ASTN2: variants seen among roughly 807,000 people sequenced by gnomAD.
The protein encoded by ASTN2 is astrotactin-2.
Under a neutral mutation model 139.8 loss-of-function variants are expected in ASTN2, and 54 were observed. The ratio of observed to expected loss-of-function variants is 0.39; its 90% CI spans 0.31 to 0.48. ASTN2 has a LOEUF of 0.48. Among genes scored for constraint, ASTN2 ranks in the 20% least tolerant of loss-of-function variants. ASTN2 has a pLI of 0.95. For missense variants in ASTN2, 1,565 were observed against 1,725.1 expected (o/e 0.91, Z 1.64); for synonymous variants, 756 against 719.5 (o/e 1.05, Z -0.81).
intron 19 of ASTN2, chr9:116,568,588 C>A (rs966198273): frequency 1.3e-5 from 2 of 152,328 alleles, no homozygotes; most frequent in African/African-American, 2.4e-5. Flanking sequence ...CACTCTAGCC[C>A]CCAGCCTTAC....
At chr9:116,983,398 C>T (rs1430965593) in intron 7 of ASTN2, among the ~76,000 whole-genome samples, 3 of 152,192 alleles carry the variant, frequency 2.0e-5, no homozygotes, top group African/African-American at 7.2e-5. Context: ...GAGGAAGGTA[C>T]TGATGCCCTC....
At chr9:116,855,065 A>G (rs1832705180) in intron 11 of ASTN2, among the ~76,000 whole-genome samples, 1 of 152,128 alleles carries the variant, frequency 6.6e-6, no homozygotes, top group Non-Finnish European at 1.5e-5. Context: ...CTTCCACACA[A>G]TAAAACCAGC....
At chr9:117,233,527 T>A (rs1225890425) in intron 2 of ASTN2, among the ~76,000 whole-genome samples, 1 of 152,116 alleles carries the variant, frequency 6.6e-6, no homozygotes, top group Non-Finnish European at 1.5e-5. Context: ...CATCCAAACA[T>A]ACACAACCTA....
intron 19 of ASTN2, among the ~76,000 whole-genome samples, chr9:116,492,407 A>G (rs1047147173): frequency 3.9e-5 from 6 of 152,174 alleles, no homozygotes; most frequent in South Asian, 2.1e-4. Context: ...TGTTTTCAAC[A>G]TAACAGAGTA....
chr9:116,703,824 T>G (rs918749792), intron 16 of ASTN2, among the ~76,000 whole-genome samples: 2 of 151,992 alleles, frequency 1.3e-5, no homozygotes, highest in African/African-American at 4.8e-5. Context: ...TGCACTTGAC[T>G]AGGATGCTGA....
chr9:116,969,672 G>A (rs1836127505), intron 10 of ASTN2, among the ~76,000 whole-genome samples: 1 of 152,138 alleles, frequency 6.6e-6, no homozygotes, highest in African/African-American at 2.4e-5. Flanking sequence ...GCACTCTGGA[G>A]TTTTCAAGCC....
At chr9:116,766,547 A>G (rs1829814121) in intron 13 of ASTN2, among the ~76,000 whole-genome samples, 2 of 151,878 alleles carry the variant, frequency 1.3e-5, no homozygotes, top group Non-Finnish European at 1.5e-5. Context: ...ACACAAACAC[A>G]TGCATTCATA....
chr9:117,045,979 T>TACATAC (rs1564399779), intron 5 of ASTN2, among the ~76,000 whole-genome samples: 1 of 124,534 alleles, frequency 8.0e-6, no homozygotes, highest in Non-Finnish European at 1.8e-5. Context: ...TATGTATGTA[T>TACATAC]GTACGTACGT....
chr9:116,991,646 T>C (rs765017293), intron 7 of ASTN2, among the ~76,000 whole-genome samples: 1 of 150,404 alleles, frequency 6.6e-6, no homozygotes, highest in Admixed American at 6.6e-5. Flanking sequence ...TTGCTCAAAA[T>C]TATACCAATA....
At chr9:116,600,398 AT>A in intron 19 of ASTN2, among the ~76,000 whole-genome samples, 1 of 152,046 alleles carries the variant, frequency 6.6e-6, no homozygotes, top group African/African-American at 2.4e-5. Context: ...ATTCTTCCTG[AT>A]CCCCTGATCC....
chr9:116,927,325 A>G (rs530512489), intron 10 of ASTN2, among the ~76,000 whole-genome samples: 1 of 152,294 alleles, frequency 6.6e-6, no homozygotes, highest in Admixed American at 6.5e-5. Flanking sequence ...TTAACAGGTG[A>G]GACAGTCACA....
At chr9:116,523,123 A>C (rs117311773) in intron 19 of ASTN2, among the ~76,000 whole-genome samples, 325 of 152,200 alleles carry the variant, frequency 2.1e-3, no homozygotes, top group Non-Finnish European at 4.0e-3. Flanking sequence ...ACCTCACCTG[A>C]GGGCTATTAA....
rs528025305 is a variant in ASTN2 at position 116,426,030 on chromosome 9, G to A, written c.3841C>T (p.Leu1281=). The A allele has an allele frequency of 9.9e-6, 16 of 1,614,074 alleles. No individual in the cohort carries two copies. In the South Asian group the frequency reaches 1.8e-4, roughly 18 times the overall value. Residue 1281 remains leucine, a synonymous_variant, in exon 23 of 23, where the codon CTG becomes TTG. Transcript: ENST00000313400. ...CGGCTCTGGATGTAGGCACTCCGCA[G>A]GAGGCTGGAGCAGTGGCTACTCACC... The part of the protein sequence containing the change: ...ERVSSHCSSL[L]RSAYIQSRVE...
intron 3 of ASTN2, among the ~76,000 whole-genome samples, chr9:117,166,809 G>A (rs1830680439): frequency 6.6e-6 from 1 of 151,942 alleles, no homozygotes; most frequent in South Asian, 2.1e-4. Context: ...AACTCCCCTA[G>A]GATCAAATAA....
At chr9:117,053,214 G>T (rs1278610459) in intron 5 of ASTN2, among the ~76,000 whole-genome samples, 1 of 152,154 alleles carries the variant, frequency 6.6e-6, no homozygotes, top group Non-Finnish European at 1.5e-5. Flanking sequence ...TGCTTTGTGA[G>T]GCCGAGGCAG....
intron 7 of ASTN2, among the ~76,000 whole-genome samples, chr9:116,994,230 C>T (rs970198431): frequency 6.6e-6 from 1 of 152,054 alleles, no homozygotes; most frequent in Non-Finnish European, 1.5e-5. Flanking sequence ...TGTTGTAGCA[C>T]AAAAGCTGTC....
intron 16 of ASTN2, among the ~76,000 whole-genome samples, chr9:116,668,787 T>C (rs1162848567): frequency 2.0e-5 from 3 of 152,076 alleles, no homozygotes; most frequent in East Asian, 3.9e-4. Flanking sequence ...TTAAGGGACA[T>C]GAGAGGAATG....
intron 13 of ASTN2, among the ~76,000 whole-genome samples, chr9:116,780,657 G>C (rs146444534): frequency 9.5e-4 from 145 of 152,274 alleles, no homozygotes; most frequent in African/African-American, 3.2e-3. Context: ...CCCTGGGCAA[G>C]CGTATCTATC....
At chr9:116,588,896 C>T (rs756754652) in intron 19 of ASTN2, among the ~76,000 whole-genome samples, 2 of 152,038 alleles carry the variant, frequency 1.3e-5, no homozygotes, top group Non-Finnish European at 2.9e-5. Context: ...GAAATACAGA[C>T]CTATAAGGAA....
Sources: gnomAD v4.1 joint callset for allele counts (sites outside exome capture counted in the v4.1 genomes callset) on GRCh38, gnomAD v4.1.1 for gene constraint, MANE v1.5 for transcripts, NCBI Gene and HGNC (gene_info 2026-07-23, HGNC 2026-07-21) for gene names.